PCGF6: variants seen among roughly 807,000 people sequenced by gnomAD.
PCGF6 encodes polycomb group RING finger protein 6.
In PCGF6, 24 loss-of-function variants were observed where a neutral mutation model predicts 45.5. That is an observed-to-expected ratio of 0.53 (90% confidence interval 0.38 to 0.74). The LOEUF is 0.74. PCGF6 is among the 30% of genes least tolerant of loss of function. The pLI is 0.00. For synonymous variants in PCGF6, 152 were observed against 162.1 expected (o/e 0.94, Z 0.47); for missense variants, 356 against 443.2 (o/e 0.80, Z 1.77).
chr10:103,322,127 C>T (rs1185777950), intron 8 of PCGF6, among the ~76,000 whole-genome samples: 1 of 152,140 alleles, frequency 6.6e-6, no homozygotes, highest in Non-Finnish European at 1.5e-5. Flanking sequence ...AACTCCTGAC[C>T]TCAGGTGATC....
At chr10:103,340,452 G>C (rs912498081) in intron 6 of PCGF6, among the ~76,000 whole-genome samples, 13 of 151,820 alleles carry the variant, frequency 8.6e-5, no homozygotes, top group Non-Finnish European at 4.4e-5. Flanking sequence ...ATTGATTTCT[G>C]CTACAAGTAA....
chr10:103,330,189 C>G (rs1394671806), intron 7 of PCGF6, among the ~76,000 whole-genome samples: 4 of 152,068 alleles, frequency 2.6e-5, no homozygotes, highest in Non-Finnish European at 4.4e-5. Context: ...ATTCTCCTGC[C>G]ACAGCCCTCC....
At chr10:103,348,511 G>A (rs1027653680) in intron 3 of PCGF6, 1 of 387,334 alleles carries the variant, frequency 2.6e-6, no homozygotes, top group African/African-American at 2.1e-5. Flanking sequence ...TAATAGTGGA[G>A]ATGGGGTTTC....
chr10:103,325,618 A>C (rs976209123), intron 8 of PCGF6, among the ~76,000 whole-genome samples: 1 of 152,156 alleles, frequency 6.6e-6, no homozygotes, highest in Non-Finnish European at 1.5e-5. Context: ...ATGATAAGCA[A>C]TATTTTTCTC....
At chr10:103,310,182 C>A (rs1333676826) in intron 9 of PCGF6, among the ~76,000 whole-genome samples, 1 of 151,242 alleles carries the variant, frequency 6.6e-6, no homozygotes, top group Non-Finnish European at 1.5e-5. Flanking sequence ...GAACTCCTGA[C>A]CTTAGGTGAT....
At chr10:103,343,832 CAAA>C (rs71019677) in intron 6 of PCGF6, among the ~76,000 whole-genome samples, 5 of 32,488 alleles carry the variant, frequency 1.5e-4, no homozygotes, top group East Asian at 1.4e-3. Flanking sequence ...AACTCTGTCT[CAAA>C]AAAAAAAAAA....
chr10:103,332,838 G>C (rs1000638875), intron 7 of PCGF6, among the ~76,000 whole-genome samples: 1 of 152,044 alleles, frequency 6.6e-6, no homozygotes, highest in Non-Finnish European at 1.5e-5. Flanking sequence ...TTTATGGTCG[G>C]GCGCAGTGGC....
intron 1 of PCGF6, 141 bp downstream of exon 1, chr10:103,350,566 G>A (rs1321440723): frequency 1.7e-5 from 13 of 784,196 alleles, no homozygotes; most frequent in Non-Finnish European, 1.8e-5. Flanking sequence ...TAGGCAGCCG[G>A]GGCAGAGGTC....
intron 6 of PCGF6, among the ~76,000 whole-genome samples, chr10:103,343,832 CAA>C (rs71019677): frequency 3.6e-3 from 116 of 32,486 alleles, no homozygotes; most frequent in Non-Finnish European, 5.9e-3. Context: ...AACTCTGTCT[CAA>C]AAAAAAAAAA....
intron 9 of PCGF6, among the ~76,000 whole-genome samples, chr10:103,308,054 G>A (rs994106605): frequency 6.6e-6 from 1 of 152,166 alleles, no homozygotes; most frequent in Non-Finnish European, 1.5e-5. Context: ...TGGATGTCTA[G>A]GCAGAAGCCT....
At chr10:103,324,275 A>G (rs2133571363) in intron 8 of PCGF6, among the ~76,000 whole-genome samples, 1 of 151,216 alleles carries the variant, frequency 6.6e-6, no homozygotes, top group East Asian at 1.9e-4. Flanking sequence ...ATTATTCTAT[A>G]AAACTTAACA....
intron 8 of PCGF6, among the ~76,000 whole-genome samples, chr10:103,317,759 TTC>T (rs1473119286): frequency 9.9e-5 from 15 of 151,518 alleles, no homozygotes; most frequent in African/African-American, 3.4e-4. Flanking sequence ...AGTTTCTTTT[TTC>T]TGTTTTTTTT....
At chr10:103,318,635 C>T (rs2093185020) in intron 8 of PCGF6, among the ~76,000 whole-genome samples, 1 of 151,586 alleles carries the variant, frequency 6.6e-6, no homozygotes, top group South Asian at 2.1e-4. Context: ...ATCCCAGCTA[C>T]TCAGGAGGCT....
At chr10:103,337,448 C>T (rs1385732501) in intron 6 of PCGF6, among the ~76,000 whole-genome samples, 1 of 152,140 alleles carries the variant, frequency 6.6e-6, no homozygotes, top group African/African-American at 2.4e-5. Flanking sequence ...CTATTGTAAC[C>T]TCCAGTTTAG....
intron 8 of PCGF6, among the ~76,000 whole-genome samples, chr10:103,318,299 T>G (rs2093183593): frequency 6.7e-6 from 1 of 149,952 alleles, no homozygotes; most frequent in Non-Finnish European, 1.5e-5. Flanking sequence ...AAAAATAAGC[T>G]GGGTGTGGTG....
At chr10:103,343,191 G>A (rs1384005797) in intron 6 of PCGF6, among the ~76,000 whole-genome samples, 2 of 152,040 alleles carry the variant, frequency 1.3e-5, no homozygotes, top group Non-Finnish European at 2.9e-5. Context: ...GCCTCCCAAA[G>A]TGCTGGGATT....
chr10:103,343,430 T>G (rs1156535464), intron 6 of PCGF6, among the ~76,000 whole-genome samples: 6 of 152,024 alleles, frequency 3.9e-5, no homozygotes, highest in African/African-American at 1.4e-4. Flanking sequence ...GGCCAGCCAG[T>G]TAAGCGTTTG....
chr10:103,313,478 C>A (rs1201740133), intron 9 of PCGF6, among the ~76,000 whole-genome samples: 1 of 152,068 alleles, frequency 6.6e-6, no homozygotes, highest in South Asian at 2.1e-4. Flanking sequence ...GGCAGGAGAA[C>A]TGCTTGAACC....
Position 103,303,876 on chromosome 10 carries a change from T to C in PCGF6, c.*29A>G, listed in dbSNP as rs1285962020. ...TGCAGTCCTGCAGAAGCCTCCTTTGTTTCCCTCCTCATAATGTGCCTAGAA... is the reference window on the plus strand; with the variant it reads ...TGCAGTCCTGCAGAAGCCTCCTTTGCTTCCCTCCTCATAATGTGCCTAGAA... On this transcript the variant is annotated 3_prime_UTR_variant, in exon 10 of 10. Transcript: ENST00000369847. 1 of 1,581,420 alleles carries C rather than the reference T, an allele frequency of 6.3e-7. No homozygotes were observed.
Sources: gnomAD v4.1 joint callset for allele counts (sites outside exome capture counted in the v4.1 genomes callset) on GRCh38, gnomAD v4.1.1 for gene constraint, MANE v1.5 for transcripts, NCBI Gene and HGNC (gene_info 2026-07-23, HGNC 2026-07-21) for gene names.